Variants in HERC4 observed in about 807,000 individuals in gnomAD.
HERC4 encodes the protein probable E3 ubiquitin-protein ligase HERC4.
Under a neutral mutation model 124.3 loss-of-function variants are expected in HERC4, and 28 were observed. The observed-to-expected ratio is 0.23, with a 90% CI of 0.17 to 0.31. The LOEUF is 0.31. HERC4 is among the 10% of genes least tolerant of loss of function. The probability of loss-of-function intolerance (pLI) is 1.00; values close to 1 mark genes in which losing one functional copy is unlikely to be tolerated. For synonymous variants in HERC4, 407 were observed against 421.5 expected (o/e 0.97, Z 0.42); for missense variants, 713 against 1,229.3 (o/e 0.58, Z 6.28).
chr10:68,011,508 A>C (rs1297785064), intron 9 of HERC4, among the ~76,000 whole-genome samples: 1 of 152,250 alleles, frequency 6.6e-6, no homozygotes, highest in Non-Finnish European at 1.5e-5. Context: ...TGAAAACATT[A>C]ATCTCCATGT....
intron 8 of HERC4, among the ~76,000 whole-genome samples, chr10:68,021,298 A>C (rs2038609253): frequency 6.6e-6 from 1 of 152,274 alleles, no homozygotes; most frequent in South Asian, 2.1e-4. Context: ...AGTTATTCCT[A>C]GAATGCAAAC....
chr10:67,991,484 A>C (rs1442305913), intron 11 of HERC4, among the ~76,000 whole-genome samples: 1 of 152,160 alleles, frequency 6.6e-6, no homozygotes, highest in Non-Finnish European at 1.5e-5. Flanking sequence ...TTAAGTGTGT[A>C]TGTTCATGTA....
chr10:68,053,839 ATC>A (rs1212850504), intron 3 of HERC4, among the ~76,000 whole-genome samples: 4 of 152,166 alleles, frequency 2.6e-5, no homozygotes, highest in South Asian at 2.1e-4. Context: ...GAGAACAAAA[ATC>A]TCTGTTGATG....
chr10:68,058,612 G>A (rs1195767981), intron 3 of HERC4, among the ~76,000 whole-genome samples: 6 of 151,800 alleles, frequency 4.0e-5, no homozygotes, highest in South Asian at 2.1e-4. Context: ...TTTTTGAGAC[G>A]AGAGTTTCAC....
chr10:68,057,920 T>G (rs180807264), intron 3 of HERC4, among the ~76,000 whole-genome samples: 1 of 152,162 alleles, frequency 6.6e-6, no homozygotes, highest in African/African-American at 2.4e-5. Context: ...AGGCTGGTCT[T>G]GAATTCCTAA....
At chr10:68,049,195 A>C (rs1302704776) in intron 3 of HERC4, among the ~76,000 whole-genome samples, 1 of 152,138 alleles carries the variant, frequency 6.6e-6, no homozygotes, top group Non-Finnish European at 1.5e-5. Flanking sequence ...TTAAAAAAAA[A>C]AATCAAGAAA....
At chr10:68,072,232 T>C (rs2041610424) in intron 3 of HERC4, among the ~76,000 whole-genome samples, 1 of 152,126 alleles carries the variant, frequency 6.6e-6, no homozygotes, top group Non-Finnish European at 1.5e-5. Flanking sequence ...GAACAGAACA[T>C]GAAATGTGAC....
rs557440143 is a variant in HERC4, at chr10:68,046,982, C to A, written c.227-2419G>T. Among the ~76,000 whole-genome samples, 116 of 146,662 alleles carry A rather than the reference C, an allele frequency of 7.9e-4. 5 individuals are homozygous for A. The South Asian group carries it at 0.018, about 23-fold the overall frequency. ...CCAGAAAAACAAACAAACAAACAAA[C>A]AAAAAAAAACATGAAGAATTTTGGA... On this transcript the variant is annotated intron_variant, in intron 3 of 24. Coordinates refer to ENST00000373700, the MANE Select transcript of HERC4 (RefSeq NM_015601.4).
chr10:67,962,223 CAAA>C (rs34157958), intron 16 of HERC4, among the ~76,000 whole-genome samples: 1 of 142,928 alleles, frequency 7.0e-6, no homozygotes. Flanking sequence ...TTTAAATAAG[CAAA>C]AAAAAAAAAG....
chr10:68,025,492 T>G, intron 8 of HERC4, 54 bp downstream of exon 8: 1 of 1,528,758 alleles, frequency 6.5e-7, no homozygotes, highest in Non-Finnish European at 8.8e-7. Context: ...CAATAAGCAA[T>G]CCCTAAACAA....
intron 14 of HERC4, 58 bp downstream of exon 14, chr10:67,990,153 T>C (rs146253779): frequency 3.6e-6 from 5 of 1,393,484 alleles, no homozygotes; most frequent in African/African-American, 2.9e-5. Flanking sequence ...AAAGAACTTA[T>C]GAAGCATTTT....
chr10:68,005,549 T>C (rs1187728072), intron 9 of HERC4, among the ~76,000 whole-genome samples: 2 of 152,182 alleles, frequency 1.3e-5, no homozygotes, highest in Non-Finnish European at 2.9e-5. Context: ...TTATTATTAA[T>C]AAGGACTTAC....
chr10:68,059,522 A>AACATTATATATT (rs1564607275), intron 3 of HERC4, among the ~76,000 whole-genome samples: 1 of 80,658 alleles, frequency 1.2e-5, no homozygotes, highest in Non-Finnish European at 2.4e-5. Context: ...TATATATCAT[A>AACATTATATATT]ATAATATTAT....
chr10:68,036,277 C>T (rs2039462412), intron 5 of HERC4, among the ~76,000 whole-genome samples: 2 of 150,134 alleles, frequency 1.3e-5, no homozygotes, highest in Admixed American at 1.3e-4. Flanking sequence ...GAGATCATGC[C>T]ACTGCACTCC....
intron 20 of HERC4, 21 bp downstream of exon 20, chr10:67,940,918 T>C: frequency 6.2e-7 from 1 of 1,601,652 alleles, no homozygotes; most frequent in African/African-American, 1.3e-5. Context: ...TACTACTTTT[T>C]GACTTTTTTT....
chr10:67,992,625 G>A lies in HERC4; in HGVS notation c.1127C>T (p.Ser376Leu). The change falls in exon 10 of 25, where the codon TCA becomes TTA. Residue 376 changes from serine to leucine, a missense_variant. By Grantham distance (145) the Ser-to-Leu change is moderately radical. Transcript: ENST00000373700. ...TATTACCTGGGGACTAGAGTAATGTGAAAAGCTTTGATCTCCCCCTGAGAA... is the reference window on the plus strand; with the variant it reads ...TATTACCTGGGGACTAGAGTAATGTAAAAAGCTTTGATCTCCCCCTGAGAA... ...RIFSGGDQSF[S>L]HYSSPQNCGP... is the part of the protein sequence containing the mutation. 1 of 1,533,308 alleles carries A rather than the reference G, an allele frequency of 6.5e-7. No homozygotes were observed. Among genetic ancestry groups the A allele is most frequent in the Non-Finnish European group, 9.0e-7 (1 of 1,114,420 alleles). The allele number at this position is 1,533,308 out of a possible 1,614,324, so 95.0% of individuals were successfully genotyped here.
At chr10:67,969,833 A>G (rs2035123551) in intron 15 of HERC4, among the ~76,000 whole-genome samples, 2 of 152,166 alleles carry the variant, frequency 1.3e-5, no homozygotes, top group Non-Finnish European at 2.9e-5. Context: ...AGGTCCAGGC[A>G]CACATAATCT....
At chr10:68,018,989 CT>C (rs1415641179) in intron 8 of HERC4, among the ~76,000 whole-genome samples, 21 of 107,448 alleles carry the variant, frequency 2.0e-4, no homozygotes, top group Non-Finnish European at 7.3e-5. Flanking sequence ...CCAAAGCATT[CT>C]TTCTTTTTTT....
chr10:67,990,434 T>C (rs2036485379), intron 13 of HERC4, 34 bp from the exon 14 acceptor site: 2 of 1,095,908 alleles, frequency 1.8e-6, no homozygotes, highest in Non-Finnish European at 2.4e-6. Context: ...CCTACTTCAT[T>C]TAAAATGAAT....
Sources: gnomAD v4.1 joint callset for allele counts (sites outside exome capture counted in the v4.1 genomes callset) on GRCh38, gnomAD v4.1.1 for gene constraint, MANE v1.5 for transcripts, NCBI Gene and HGNC (gene_info 2026-07-23, HGNC 2026-07-21) for gene names.